The following PTPN4 variants were observed in gnomAD, a reference collection of about 807,000 sequenced individuals.
The protein encoded by PTPN4 is protein tyrosine phosphatase non-receptor type 4.
In PTPN4, 49 loss-of-function variants were observed where a neutral mutation model predicts 135.5. The observed-to-expected ratio is 0.36, with a 90% CI of 0.29 to 0.46. The LOEUF (loss-of-function observed/expected upper bound fraction) is 0.46, where lower values mean the gene tolerates loss of function less well. PTPN4 is among the 20% of genes least tolerant of loss of function. The pLI is 1.00. For missense variants in PTPN4, 860 were observed against 1,101.0 expected (o/e 0.78, Z 3.10); for synonymous variants, 333 against 369.9 (o/e 0.90, Z 1.14).
intron 13 of PTPN4, among the ~76,000 whole-genome samples, chr2:119,928,521 CT>C (rs1034591844): frequency 2.0e-5 from 3 of 151,990 alleles, no homozygotes; most frequent in African/African-American, 7.2e-5. Context: ...AAAATTTGCA[CT>C]GCAATATGAG....
rs1048195460 is a variant in PTPN4 at position 119,977,888 on chromosome 2, T to G, written c.*818T>G. 5 of 152,238 alleles carry G rather than the reference T, an allele frequency of 3.3e-5. No homozygotes were observed. Among genetic ancestry groups the G allele is most frequent in the Non-Finnish European group, 7.3e-5 (5 of 68,038 alleles). The allele number at this position is 152,238 out of a possible 1,614,324, so 9.4% of individuals were successfully genotyped here. A position where few individuals can be genotyped will look rare whatever the true frequency, so the allele number is the denominator to read the frequency against. On this transcript the variant is annotated 3_prime_UTR_variant, in exon 27 of 27. Transcript: ENST00000263708. ...TCATTTGACCCCACTAGGAGGTATA[T>G]ATGTATATTGTACATTCGTATATTT...
intron 2 of PTPN4, among the ~76,000 whole-genome samples, chr2:119,841,794 C>T (rs1261260970): frequency 6.6e-6 from 1 of 152,120 alleles, no homozygotes; most frequent in African/African-American, 2.4e-5. Flanking sequence ...CAGATTAGCA[C>T]AGTAAATGGT....
intron 15 of PTPN4, among the ~76,000 whole-genome samples, chr2:119,938,662 A>G (rs763428751): frequency 2.7e-4 from 41 of 152,214 alleles, no homozygotes; most frequent in Non-Finnish European, 4.4e-4. Context: ...AAAATATAGC[A>G]GTATTACCAT....
At chr2:119,761,260 CAATT>C (rs1196302262) in intron 1 of PTPN4, among the ~76,000 whole-genome samples, 1 of 152,144 alleles carries the variant, frequency 6.6e-6, no homozygotes, top group Non-Finnish European at 1.5e-5. Context: ...TTGCAAAAGA[CAATT>C]AGAGTAGAAA....
chr2:119,976,501 C>G (rs868324015), intron 26 of PTPN4, among the ~76,000 whole-genome samples: 1 of 152,036 alleles, frequency 6.6e-6, no homozygotes, highest in Non-Finnish European at 1.5e-5. Context: ...CTTTTCTTCC[C>G]GACTAGCTAG....
intron 2 of PTPN4, among the ~76,000 whole-genome samples, chr2:119,810,581 C>G (rs1175321384): frequency 6.6e-6 from 1 of 152,082 alleles, no homozygotes; most frequent in East Asian, 1.9e-4. Context: ...ATTTACTTGT[C>G]CAGTTTATTG....
chr2:119,967,799 A>T, intron 25 of PTPN4, 38 bp from the exon 26 acceptor site: 2 of 1,511,320 alleles, frequency 1.3e-6, no homozygotes, highest in Non-Finnish European at 1.8e-6. Context: ...TTAACAGAAT[A>T]GTATCGGTAA....
intron 10 of PTPN4, among the ~76,000 whole-genome samples, chr2:119,903,840 C>T (rs1678445406): frequency 6.6e-6 from 1 of 151,966 alleles, no homozygotes; most frequent in South Asian, 2.1e-4. Context: ...ATTTCCATCC[C>T]CAATACAGCT....
chr2:119,862,511 A>C, intron 2 of PTPN4, 25 bp from the exon 3 acceptor site: 9 of 1,472,156 alleles, frequency 6.1e-6, no homozygotes, highest in Non-Finnish European at 8.5e-6. Flanking sequence ...AGTTGATTTC[A>C]TTCAATTTTT....
At chr2:119,808,997 T>G (rs948420275) in intron 1 of PTPN4, among the ~76,000 whole-genome samples, 4 of 152,200 alleles carry the variant, frequency 2.6e-5, no homozygotes, top group Non-Finnish European at 5.9e-5. Context: ...TCTTCTAGTT[T>G]AGTGTGTTTC....
intron 2 of PTPN4, among the ~76,000 whole-genome samples, chr2:119,846,561 T>C (rs904717586): frequency 6.6e-6 from 1 of 150,982 alleles, no homozygotes; most frequent in African/African-American, 2.5e-5. Context: ...TATTTTTTTT[T>C]TTTACCAGTC....
intron 2 of PTPN4, among the ~76,000 whole-genome samples, chr2:119,841,040 G>T (rs1259871116): frequency 6.6e-6 from 1 of 151,750 alleles, no homozygotes; most frequent in African/African-American, 2.4e-5. Flanking sequence ...ACTCTGATAG[G>T]CTTTTTTCTT....
intron 26 of PTPN4, among the ~76,000 whole-genome samples, chr2:119,975,739 T>TTCAAA (rs1679605826): frequency 6.6e-6 from 1 of 152,004 alleles, no homozygotes; most frequent in Non-Finnish European, 1.5e-5. Context: ...AAAATGTCCC[T>TTCAAA]TCAAATAGCT....
chr2:119,788,783 A>G (rs1558725808), intron 1 of PTPN4, among the ~76,000 whole-genome samples: 1 of 152,196 alleles, frequency 6.6e-6, no homozygotes, highest in Non-Finnish European at 1.5e-5. Flanking sequence ...GCTCAATAAC[A>G]CTTCATTGTG....
At chr2:119,788,084 T>A (rs1691077793) in intron 1 of PTPN4, among the ~76,000 whole-genome samples, 1 of 152,220 alleles carries the variant, frequency 6.6e-6, no homozygotes, top group Admixed American at 6.5e-5. Flanking sequence ...TATTTTGGTT[T>A]ATTTAAAAAT....
At chr2:119,969,741 G>C (rs1042459512) in intron 26 of PTPN4, among the ~76,000 whole-genome samples, 8 of 151,742 alleles carry the variant, frequency 5.3e-5, no homozygotes, top group Non-Finnish European at 1.0e-4. Flanking sequence ...TGTATTTTTA[G>C]TAGAGACGGG....
intron 8 of PTPN4, among the ~76,000 whole-genome samples, chr2:119,884,038 A>G (rs1276401943): frequency 6.6e-6 from 1 of 152,096 alleles, no homozygotes; most frequent in Admixed American, 6.5e-5. Context: ...AGCCAGGACT[A>G]CAGGTGCCCG....
intron 18 of PTPN4, among the ~76,000 whole-genome samples, chr2:119,949,927 G>A (rs1485919162): frequency 6.6e-6 from 1 of 151,968 alleles, no homozygotes; most frequent in African/African-American, 2.4e-5. Flanking sequence ...GCAAGACAGG[G>A]TCTTGCTCTG....
intron 6 of PTPN4, 132 bp downstream of exon 6, chr2:119,881,962 C>A: frequency 9.4e-7 from 1 of 1,067,574 alleles, no homozygotes; most frequent in Admixed American, 2.0e-5. Context: ...GAATTCCTTT[C>A]ATCAGATAAG....
Sources: allele counts gnomAD v4.1 joint callset (sites outside exome capture counted in the v4.1 genomes callset), GRCh38; gene constraint gnomAD v4.1.1; transcripts MANE v1.5; gene names NCBI Gene and HGNC (gene_info 2026-07-23, HGNC 2026-07-21).